NOS1: variants seen among roughly 807,000 people sequenced by gnomAD.
The protein encoded by NOS1 is nitric oxide synthase 1, also known as NOS type I.
Under a neutral mutation model 164.5 loss-of-function variants are expected in NOS1, and 51 were observed. The observed-to-expected ratio is 0.31, with a 90% confidence interval of 0.25 to 0.39. NOS1 has a LOEUF of 0.39. Ranked by LOEUF, NOS1 falls within the 10% of genes least tolerant of loss-of-function variation. NOS1 has a pLI of 1.00. For synonymous variants in NOS1, 719 were observed against 745.8 expected, an observed-to-expected ratio of 0.96 and a Z score of 0.59; for missense variants, 1,362 against 1,885.6, an observed-to-expected ratio of 0.72 and a Z score of 5.14.
At chr12:117,360,787 G>T (rs1269074968) in intron 1 of NOS1, among the ~76,000 whole-genome samples, 1 of 152,232 alleles carries the variant, frequency 6.6e-6, no homozygotes, top group Non-Finnish European at 1.5e-5. Context: ...GCTTGGGCAG[G>T]TACAACGGTC....
chr12:117,246,324 T>C (rs1334472627), intron 18 of NOS1, among the ~76,000 whole-genome samples: 2 of 152,264 alleles, frequency 1.3e-5, no homozygotes, highest in African/African-American at 4.8e-5. Context: ...TTTAAGCAGA[T>C]GAGGTCTCAC....
intron 22 of NOS1, among the ~76,000 whole-genome samples, chr12:117,229,326 C>G (rs184722930): frequency 6.6e-6 from 1 of 152,170 alleles, no homozygotes; most frequent in Non-Finnish European, 1.5e-5. Context: ...CCTTGCTGGG[C>G]CTTCCTTAAA....
chr12:117,213,447 A>AT lies in NOS1; in HGVS notation c.*1861dup, dbSNP rs1320293605. On this transcript the variant is annotated 3_prime_UTR_variant, in exon 29 of 29. Coordinates refer to ENST00000317775, the MANE Select transcript of NOS1 (RefSeq NM_000620.5). ...TTGGGATTAAAGGAAGGCAGGGGAG[A>AT]TTATAGCTGGCATGAAGTCAAGCTC... 1.0e-6 allele frequency: 1 copy of AT among 985,334 alleles called. No homozygotes were observed. The highest frequency in any genetic ancestry group is 1.1e-4 in the East Asian group (1 of 8,826). 61.0% of individuals were successfully genotyped at this position (985,334 alleles called of 1,614,324 possible).
intron 5 of NOS1, 104 bp from the exon 6 acceptor site, chr12:117,286,370 C>A: frequency 7.9e-7 from 1 of 1,271,278 alleles, no homozygotes; most frequent in Non-Finnish European, 1.1e-6. Context: ...CAAAAAATTC[C>A]AAGTTGATTT....
intron 21 of NOS1, among the ~76,000 whole-genome samples, chr12:117,232,411 T>C (rs1161533971): frequency 6.6e-6 from 1 of 152,192 alleles, no homozygotes; most frequent in African/African-American, 2.4e-5. Context: ...TGGCATTCTA[T>C]ACAATGAGCC....
intron 12 of NOS1, among the ~76,000 whole-genome samples, chr12:117,264,464 ATTTTCTTT>A (rs1872205130): frequency 8.7e-6 from 1 of 114,748 alleles, no homozygotes; most frequent in African/African-American, 4.5e-5. Flanking sequence ...TTCTTTCTTT[ATTTTCTTT>A]CTTTCTTTCC....
At chr12:117,299,164 G>A (rs1873627005) in intron 3 of NOS1, among the ~76,000 whole-genome samples, 1 of 152,218 alleles carries the variant, frequency 6.6e-6, no homozygotes, top group African/African-American at 2.4e-5. Context: ...AGCTGGGACA[G>A]CTCAGGGTCC....
At chr12:117,303,523 G>T (rs1438115891) in intron 3 of NOS1, among the ~76,000 whole-genome samples, 1 of 152,144 alleles carries the variant, frequency 6.6e-6, no homozygotes, top group Non-Finnish European at 1.5e-5. Context: ...CCAGCTAGAG[G>T]CTGGAGGGAG....
chr12:117,299,495 C>T (rs1014728709), intron 3 of NOS1, among the ~76,000 whole-genome samples: 8 of 151,896 alleles, frequency 5.3e-5, no homozygotes, highest in Non-Finnish European at 1.2e-4. Context: ...AAAAACTAGC[C>T]GGGCGTGGTG....
At chr12:117,284,274 G>A (rs1488435992) in intron 7 of NOS1, among the ~76,000 whole-genome samples, 1 of 152,234 alleles carries the variant, frequency 6.6e-6, no homozygotes, top group Non-Finnish European at 1.5e-5. Context: ...TGGCAGCAGT[G>A]AGCGGGCAGA....
intron 1 of NOS1, among the ~76,000 whole-genome samples, chr12:117,339,773 A>G (rs1427663167): frequency 6.6e-6 from 1 of 152,252 alleles, no homozygotes; most frequent in Non-Finnish European, 1.5e-5. Flanking sequence ...TAAATTTAAA[A>G]GCAAGGTGGA....
rs984405469 is a variant in NOS1 at position 117,214,350 on chromosome 12, G to C, written c.*959C>G. ...TCCAAAGTCATCCAGTGGCAAAGTG[G>C]GAAGATCCTTATTGCCACCAGGCTT... On this transcript the variant is annotated 3_prime_UTR_variant, in exon 29 of 29. Transcript: ENST00000317775. 4.1e-6 allele frequency: 4 copies of C among 985,256 alleles called. No homozygotes were observed. The African/African-American group carries it at 7.0e-5, about 17-fold the overall frequency. 61.0% of individuals were successfully genotyped at this position (985,256 alleles called of 1,614,324 possible).
rs1956509691 is a variant in NOS1 at position 117,210,441 on chromosome 12, A to G, written c.*4868T>C. 1.0e-6 allele frequency: 1 copy of G among 985,468 alleles called. No homozygotes were observed. The highest frequency in any genetic ancestry group is 1.2e-6 in the Non-Finnish European group (1 of 829,986). 61.0% of individuals were successfully genotyped at this position (985,468 alleles called of 1,614,324 possible). A position where few individuals can be genotyped will look rare whatever the true frequency, so the allele number is the denominator to read the frequency against. ...TTCCTGATACAGACAGAAGGCTTTG[A>G]GGACATGGTGGCCACAGCGGCATGC... On this transcript the variant is annotated 3_prime_UTR_variant, in exon 29 of 29. Coordinates refer to ENST00000317775, the MANE Select transcript of NOS1 (RefSeq NM_000620.5).
Position 117,210,901 on chromosome 12 carries a change from C to T in NOS1, c.*4408G>A, listed in dbSNP as rs886112583. ...CTGAAAACTCATCTTTTCCCTGAGC[C>T]TGCTCTTCAGAGACCTCTCTCTCAG... On this transcript the variant is annotated 3_prime_UTR_variant, in exon 29 of 29. Coordinates refer to ENST00000317775, the MANE Select transcript of NOS1 (RefSeq NM_000620.5). 5 of 985,268 alleles carry T rather than the reference C, an allele frequency of 5.1e-6. No homozygotes were observed. The highest frequency in any genetic ancestry group is 6.0e-6 in the Non-Finnish European group (5 of 829,938). The allele number at this position is 985,268 out of a possible 1,614,324, so 61.0% of individuals were successfully genotyped here. A position where few individuals can be genotyped will look rare whatever the true frequency, so the allele number is the denominator to read the frequency against.
At chr12:117,260,141 C>A (rs1007878076) in intron 14 of NOS1, among the ~76,000 whole-genome samples, 22 of 138,916 alleles carry the variant, frequency 1.6e-4, no homozygotes, top group African/African-American at 6.0e-4. Context: ...AAACAAAAAA[C>A]AAAAAAACAA....
chr12:117,226,636 T>C, intron 24 of NOS1, 47 bp downstream of exon 24: 1 of 1,557,820 alleles, frequency 6.4e-7, no homozygotes, highest in Non-Finnish European at 8.9e-7. Context: ...GTGACGTCAA[T>C]ATGCAGATTT....
intron 3 of NOS1, among the ~76,000 whole-genome samples, chr12:117,304,085 T>G (rs1873998243): frequency 6.6e-6 from 1 of 151,848 alleles, no homozygotes. Flanking sequence ...GGCAGGAGAA[T>G]GGCGTGAACC....
At position 117,234,578 on chromosome 12, in the gene NOS1, CCGCT is replaced by C; in HGVS notation, c.3218_3221del (p.Glu1073GlyfsTer5). The C allele has an allele frequency of 6.2e-7, 1 of 1,613,672 alleles. No individual in the cohort carries two copies. Among genetic ancestry groups the C allele is most frequent in the Non-Finnish European group, 8.5e-7 (1 of 1,179,682 alleles). ...CGGGAATGTTACCTAAAGCCGTGTT[CCGCT>C]CCTCCAGCAGTTCCACTTTCACCAT... On this transcript the variant is annotated frameshift_variant, in exon 21 of 29. Coordinates refer to ENST00000317775, the MANE Select transcript of NOS1 (RefSeq NM_000620.5). LOFTEE classifies it high-confidence loss of function. The surrounding 1 kb of genome is among the most constrained non-coding windows in gnomAD (Gnocchi z 4.3).
Position 117,212,117 on chromosome 12 carries a change from T to G in NOS1, c.*3192A>C, listed in dbSNP as rs1232911864. On this transcript the variant is annotated 3_prime_UTR_variant, in exon 29 of 29. Transcript: ENST00000317775. ...CACGAGAGGAACTGTGTTTTGCTTA[T>G]CTCTGCAAACTGCCCGGTGCCTTCC... The G allele has an allele frequency of 1.0e-6, 1 of 985,216 alleles. No homozygotes were observed. Among genetic ancestry groups the G allele is most frequent in the East Asian group, 1.1e-4 (1 of 8,832 alleles). 61.0% of individuals were successfully genotyped at this position (985,216 alleles called of 1,614,324 possible).
Sources: gnomAD v4.1 joint callset for allele counts (sites outside exome capture counted in the v4.1 genomes callset) on GRCh38, gnomAD v4.1.1 for gene constraint, Gnocchi (gnomAD v3.1) non-coding constraint, MANE v1.5 for transcripts, NCBI Gene and HGNC (gene_info 2026-07-23, HGNC 2026-07-21) for gene names.